The following SCAMP1 variants were observed in gnomAD, a reference collection of about 807,000 sequenced individuals.
The protein encoded by SCAMP1 is secretory carrier-associated membrane protein 1.
SCAMP1 carries 15 observed loss-of-function variants against 41.8 expected under a neutral mutation model. That is an observed-to-expected ratio of 0.36 (90% CI 0.24 to 0.55). The LOEUF (loss-of-function observed/expected upper bound fraction) is 0.55. Ranked by LOEUF, SCAMP1 falls within the 20% of genes least tolerant of loss-of-function variation. The pLI is 0.86. For missense variants in SCAMP1, 341 were observed against 412.6 expected, an observed-to-expected ratio of 0.83 and a Z score of 1.50; for synonymous variants, 135 against 136.8, an observed-to-expected ratio of 0.99 and a Z score of 0.09.
At chr5:78,458,841 C>G (rs935292171) in intron 7 of SCAMP1, among the ~76,000 whole-genome samples, 2 of 152,168 alleles carry the variant, frequency 1.3e-5, no homozygotes, top group African/African-American at 4.8e-5. Context: ...GATCATGCCA[C>G]TATACTGCAG....
At chr5:78,431,142 C>G (rs75131659) in intron 6 of SCAMP1, among the ~76,000 whole-genome samples, 1,614 of 151,984 alleles carry the variant, frequency 0.011, 38 homozygotes, top group African/African-American at 0.037. Context: ...ATATAAGAAA[C>G]CATATAGATA....
At chr5:78,471,306 A>G (rs927785459) in intron 8 of SCAMP1, among the ~76,000 whole-genome samples, 1 of 152,136 alleles carries the variant, frequency 6.6e-6, no homozygotes, top group South Asian at 2.1e-4. Context: ...AGATTTCGAC[A>G]TGGTGAAACT....
At position 78,454,425 on chromosome 5, in the gene SCAMP1, C is replaced by T. The variant is rs1404484124; in HGVS notation, c.734+4391C>T. On this transcript the variant is annotated intron_variant, in intron 7 of 8. Coordinates refer to ENST00000621999, the MANE Select transcript of SCAMP1 (RefSeq NM_004866.6). ...TGAATTTTGTCAAAGGCTTTTTCTG[C>T]ATCTATTGAGATAATCATGTGGTTT... 3.2e-3 allele frequency among the ~76,000 whole-genome samples: 483 copies of T among 152,028 alleles called. 1 individual carries two copies. The highest frequency in any genetic ancestry group is 0.015 in the South Asian group (71 of 4,808).
chr5:78,368,420 GT>G (rs1281039974), intron 1 of SCAMP1, among the ~76,000 whole-genome samples: 3 of 151,942 alleles, frequency 2.0e-5, no homozygotes, highest in African/African-American at 7.3e-5. Flanking sequence ...ATTACCAAAA[GT>G]TTTTTTTGGA....
intron 6 of SCAMP1, 21 bp from the exon 7 acceptor site, chr5:78,449,910 TTC>T (rs746943237): frequency 3.0e-5 from 41 of 1,369,638 alleles, no homozygotes; most frequent in Admixed American, 4.8e-5. Context: ...CCTTTTTTCT[TTC>T]TTTCTTTTTT....
intron 6 of SCAMP1, among the ~76,000 whole-genome samples, chr5:78,437,424 C>A (rs183319549): frequency 1.3e-5 from 2 of 152,128 alleles, no homozygotes; most frequent in African/African-American, 4.8e-5. Flanking sequence ...TAGCGTGAAG[C>A]GCTGTTGAAT....
At chr5:78,416,775 T>G in intron 4 of SCAMP1, 126 bp downstream of exon 4, 1 of 648,412 alleles carries the variant, frequency 1.5e-6, no homozygotes, top group Non-Finnish European at 2.6e-6. Context: ...AACAAGGAGA[T>G]CAGACACAGC....
intron 6 of SCAMP1, among the ~76,000 whole-genome samples, chr5:78,447,722 A>T (rs1426125162): frequency 6.6e-6 from 1 of 152,160 alleles, no homozygotes; most frequent in East Asian, 1.9e-4. Flanking sequence ...TAAAATCAAG[A>T]TATATAAAAG....
chr5:78,362,731 C>A (rs929119352), intron 1 of SCAMP1, among the ~76,000 whole-genome samples: 2 of 151,848 alleles, frequency 1.3e-5, no homozygotes, highest in African/African-American at 4.8e-5. Flanking sequence ...GTTCACCTGC[C>A]CCTCCTCCTC....
chr5:78,432,992 C>T (rs936093899), intron 6 of SCAMP1, among the ~76,000 whole-genome samples: 1 of 151,958 alleles, frequency 6.6e-6, no homozygotes, highest in Non-Finnish European at 1.5e-5. Context: ...TCTCTCCCAC[C>T]CTCAGTTTTG....
intron 2 of SCAMP1, among the ~76,000 whole-genome samples, chr5:78,409,422 TACACAC>T (rs59969661): frequency 4.3e-4 from 64 of 148,906 alleles, no homozygotes; most frequent in African/African-American, 8.6e-4. Context: ...CACATATAGA[TACACAC>T]ACACACACAC....
In SCAMP1 at chr5:78,432,163, C is replaced by T. The variant is rs758420311; in HGVS notation, c.632+10203C>T. 3.2e-4 allele frequency among the ~76,000 whole-genome samples: 48 copies of T among 152,204 alleles called. 1 individual carries two copies. In the Middle Eastern group the frequency reaches 0.02, roughly 65 times the overall value. On this transcript the variant is annotated intron_variant, in intron 6 of 8. Transcript: ENST00000621999. ...CCTCTGGTCACCATCCTTCTTCTATCTCTATGTGTCACTACTTTTGCTTTA... is the reference window on the plus strand; with the variant it reads ...CCTCTGGTCACCATCCTTCTTCTATTTCTATGTGTCACTACTTTTGCTTTA...
chr5:78,375,602 T>G (rs1240427010), intron 1 of SCAMP1, among the ~76,000 whole-genome samples: 3 of 152,290 alleles, frequency 2.0e-5, no homozygotes, highest in Admixed American at 2.0e-4. Flanking sequence ...ATATTCAAAA[T>G]AATACCTTAT....
intron 1 of SCAMP1, among the ~76,000 whole-genome samples, chr5:78,362,026 T>A (rs1298685208): frequency 6.6e-6 from 1 of 152,220 alleles, no homozygotes; most frequent in Non-Finnish European, 1.5e-5. Context: ...GTCCCTAATG[T>A]CACTTAAAAT....
At chr5:78,399,586 G>A (rs1460536603) in intron 2 of SCAMP1, among the ~76,000 whole-genome samples, 1 of 152,148 alleles carries the variant, frequency 6.6e-6, no homozygotes, top group Non-Finnish European at 1.5e-5. Context: ...ACCTTTTTAT[G>A]TGCTCACTTG....
intron 8 of SCAMP1, among the ~76,000 whole-genome samples, chr5:78,462,309 A>G (rs1753638823): frequency 2.0e-5 from 3 of 151,502 alleles, no homozygotes; most frequent in African/African-American, 7.3e-5. Flanking sequence ...TGATTTTTGT[A>G]TGTTGATTTT....
intron 6 of SCAMP1, among the ~76,000 whole-genome samples, chr5:78,447,106 A>G (rs1580702225): frequency 6.6e-6 from 1 of 152,338 alleles, no homozygotes; most frequent in Non-Finnish European, 1.5e-5. Context: ...CATGCTCCTT[A>G]TGAGAATCTA....
At chr5:78,460,236 TA>T (rs1753550390) in intron 8 of SCAMP1, among the ~76,000 whole-genome samples, 1 of 152,220 alleles carries the variant, frequency 6.6e-6, no homozygotes, top group Non-Finnish European at 1.5e-5. Flanking sequence ...GTCTTTTTGA[TA>T]AAATGATTTC....
intron 1 of SCAMP1, among the ~76,000 whole-genome samples, chr5:78,366,563 A>G (rs1397710718): frequency 2.0e-5 from 3 of 152,206 alleles, no homozygotes; most frequent in Non-Finnish European, 4.4e-5. Context: ...AGGTTTCAGC[A>G]TGTGATTTTT....
Sources: allele counts gnomAD v4.1 joint callset (sites outside exome capture counted in the v4.1 genomes callset), GRCh38; gene constraint gnomAD v4.1.1; transcripts MANE v1.5; gene names NCBI Gene and HGNC (gene_info 2026-07-23, HGNC 2026-07-21).